Variants in SDK1 observed in about 807,000 individuals in gnomAD.
The protein encoded by SDK1 is protein sidekick-1.
SDK1 carries 157 observed loss-of-function variants against 245.5 expected under a neutral mutation model. That is an observed-to-expected ratio of 0.64 (90% CI 0.56 to 0.73). The LOEUF (loss-of-function observed/expected upper bound fraction) is 0.73. SDK1 is among the 30% of genes least tolerant of loss of function. SDK1 has a pLI of 0.00. For missense variants in SDK1, 3,583 were observed against 3,002.3 expected, an observed-to-expected ratio of 1.19 and a Z score of -4.52; for synonymous variants, 1,647 against 1,278.5, an observed-to-expected ratio of 1.29 and a Z score of -6.15.
At chr7:3,923,714 G>A (rs1282535151) in intron 5 of SDK1, among the ~76,000 whole-genome samples, 1 of 152,248 alleles carries the variant, frequency 6.6e-6, no homozygotes, top group Non-Finnish European at 1.5e-5. Flanking sequence ...CCAAGTTCAC[G>A]TTTAGTCCCC....
chr7:3,690,149 C>G (rs1364211767), intron 4 of SDK1, among the ~76,000 whole-genome samples: 1 of 152,122 alleles, frequency 6.6e-6, no homozygotes, highest in Non-Finnish European at 1.5e-5. Context: ...GGAATGGAAG[C>G]TGGGACTAAT....
chr7:3,615,016 TATC>T (rs1466444376), intron 1 of SDK1, among the ~76,000 whole-genome samples: 1 of 151,702 alleles, frequency 6.6e-6, no homozygotes, highest in Non-Finnish European at 1.5e-5. Flanking sequence ...TGAGTTGTAG[TATC>T]ATTTTAATTC....
chr7:3,798,914 C>T (rs943889582), intron 4 of SDK1, among the ~76,000 whole-genome samples: 11 of 152,316 alleles, frequency 7.2e-5, no homozygotes, highest in Middle Eastern at 3.4e-3. Context: ...CTAATTTTAG[C>T]GTTCACCAGT....
intron 1 of SDK1, among the ~76,000 whole-genome samples, chr7:3,616,562 G>A (rs1017124080): frequency 1.3e-5 from 2 of 152,102 alleles, no homozygotes; most frequent in African/African-American, 2.4e-5. Context: ...TCATCTCATC[G>A]ACTAGGTTAA....
At chr7:3,951,419 G>A (rs1780815255) in intron 6 of SDK1, among the ~76,000 whole-genome samples, 1 of 152,152 alleles carries the variant, frequency 6.6e-6, no homozygotes, top group South Asian at 2.1e-4. Context: ...CGCCTTCCAT[G>A]TCGTTGTGTC....
Position 3,737,457 on chromosome 7 carries a change from C to T in SDK1, c.714-83993C>T, listed in dbSNP as rs112496650. 4.5e-3 allele frequency among the ~76,000 whole-genome samples: 685 copies of T among 152,350 alleles called. 9 individuals are homozygous for T. The highest frequency in any genetic ancestry group is 0.015 in the African/African-American group (629 of 41,584). On this transcript the variant is annotated intron_variant, in intron 4 of 44. Transcript: ENST00000404826. ...GCTCTGCTAGGTGGGGCTTGGCTTTCTGCCTGAGGAGAGCTGTAGGCTGAG... is the reference window on the plus strand; with the variant it reads ...GCTCTGCTAGGTGGGGCTTGGCTTTTTGCCTGAGGAGAGCTGTAGGCTGAG...
At chr7:3,359,788 A>G (rs2128560352) in intron 1 of SDK1, among the ~76,000 whole-genome samples, 1 of 152,246 alleles carries the variant, frequency 6.6e-6, no homozygotes, top group East Asian at 1.9e-4. Context: ...GGGGGATGTG[A>G]CATTCCAGGG....
At chr7:3,647,153 A>G (rs1209950870) in intron 4 of SDK1, among the ~76,000 whole-genome samples, 1 of 152,208 alleles carries the variant, frequency 6.6e-6, no homozygotes, top group Admixed American at 6.5e-5. Context: ...TGGGAGGCCA[A>G]AGCAGGAGGA....
intron 5 of SDK1, among the ~76,000 whole-genome samples, chr7:3,938,011 A>C (rs964905231): frequency 6.6e-6 from 1 of 151,982 alleles, no homozygotes; most frequent in South Asian, 2.1e-4. Context: ...CTAATTTTGT[A>C]TATTTAGTAG....
At chr7:3,633,766 C>T (rs11489286) in intron 2 of SDK1, among the ~76,000 whole-genome samples, 109 of 152,268 alleles carry the variant, frequency 7.2e-4, no homozygotes, top group South Asian at 2.1e-3. Flanking sequence ...CAGAAACCAA[C>T]TTTCTCTTGT....
chr7:3,650,051 A>G (rs937026400), intron 4 of SDK1, among the ~76,000 whole-genome samples: 2 of 140,104 alleles, frequency 1.4e-5, no homozygotes, highest in Non-Finnish European at 1.6e-5. Flanking sequence ...GTGGTAAAAC[A>G]TAGTTTAAAA....
intron 44 of SDK1, among the ~76,000 whole-genome samples, chr7:4,249,886 G>A (rs1787179275): frequency 6.6e-6 from 1 of 152,166 alleles, no homozygotes; most frequent in Non-Finnish European, 1.5e-5. Context: ...TAACTCACAT[G>A]TCATACAATT....
intron 1 of SDK1, among the ~76,000 whole-genome samples, chr7:3,538,773 G>C (rs148482499): frequency 1.3e-5 from 2 of 152,210 alleles, no homozygotes; most frequent in Non-Finnish European, 2.9e-5. Flanking sequence ...GGGCAGAAAG[G>C]CCCATTCAGG....
At chr7:4,166,940 G>T (rs1387847520) in intron 32 of SDK1, among the ~76,000 whole-genome samples, 1 of 152,126 alleles carries the variant, frequency 6.6e-6, no homozygotes, top group Non-Finnish European at 1.5e-5. Flanking sequence ...AAGGAGAGAG[G>T]CTTTCCCTGC....
chr7:3,415,085 TAGG>T (rs1302464433), intron 1 of SDK1, among the ~76,000 whole-genome samples: 1 of 152,220 alleles, frequency 6.6e-6, no homozygotes, highest in East Asian at 1.9e-4. Flanking sequence ...GTTATACACA[TAGG>T]AGTGTAATTG....
intron 1 of SDK1, among the ~76,000 whole-genome samples, chr7:3,606,688 G>C (rs972684812): frequency 6.6e-6 from 1 of 152,006 alleles, no homozygotes; most frequent in Non-Finnish European, 1.5e-5. Context: ...CAGATACCCC[G>C]TTCTCAACGA....
intron 20 of SDK1, 86 bp from the exon 21 acceptor site, chr7:4,076,912 C>G: frequency 8.2e-7 from 1 of 1,215,646 alleles, no homozygotes; most frequent in Non-Finnish European, 1.2e-6. Context: ...TCCATAGCTC[C>G]AAGCCTGCAA....
At chr7:3,861,095 G>A (rs1780680493) in intron 5 of SDK1, among the ~76,000 whole-genome samples, 1 of 152,100 alleles carries the variant, frequency 6.6e-6, no homozygotes, top group Admixed American at 6.5e-5. Flanking sequence ...TAACCCTTCA[G>A]TCTACTGCTG....
intron 1 of SDK1, among the ~76,000 whole-genome samples, chr7:3,586,936 A>C (rs141736970): frequency 2.8e-4 from 42 of 152,174 alleles, no homozygotes; most frequent in Non-Finnish European, 5.4e-4. Context: ...TTTTTTGGTA[A>C]GCGTTGAGAG....
Sources: gnomAD v4.1 joint callset for allele counts (sites outside exome capture counted in the v4.1 genomes callset) on GRCh38, gnomAD v4.1.1 for gene constraint, MANE v1.5 for transcripts, NCBI Gene and HGNC (gene_info 2026-07-23, HGNC 2026-07-21) for gene names.